The following RALGAPA2 variants were observed in gnomAD, a reference collection of about 807,000 sequenced individuals.
RALGAPA2 encodes Ral GTPase activating protein catalytic subunit alpha 2.
Under a neutral mutation model 230.4 loss-of-function variants are expected in RALGAPA2, and 139 were observed. The observed-to-expected ratio is 0.60, with a 90% CI of 0.53 to 0.69. The LOEUF (loss-of-function observed/expected upper bound fraction) is 0.69. Among genes scored for constraint, RALGAPA2 ranks in the 30% least tolerant of loss-of-function variants. The probability of loss-of-function intolerance (pLI) is 0.00; values close to 1 mark genes in which losing one functional copy is unlikely to be tolerated. For missense variants in RALGAPA2, 2,163 were observed against 2,276.0 expected, an observed-to-expected ratio of 0.95 and a Z score of 1.01; for synonymous variants, 847 against 837.8, an observed-to-expected ratio of 1.01 and a Z score of -0.19.
chr20:20,530,882 G>T (rs1330236548), intron 27 of RALGAPA2, among the ~76,000 whole-genome samples: 1 of 152,180 alleles, frequency 6.6e-6, no homozygotes, highest in Non-Finnish European at 1.5e-5. Context: ...GCCTGGCAGA[G>T]ACCAGGCACT....
In RALGAPA2 at chr20:20,504,299, C is replaced by T. The variant is rs901264291; in HGVS notation, c.5053-793G>A. On this transcript the variant is annotated intron_variant, in intron 34 of 39. Transcript: ENST00000202677. ...AAGTACAGTAACTGTTAGACTCAAACCTACTTGCCTTCTTAGTAAGGATGT... is the reference window on the plus strand; with the variant it reads ...AAGTACAGTAACTGTTAGACTCAAATCTACTTGCCTTCTTAGTAAGGATGT... Among the ~76,000 whole-genome samples the T allele has an allele frequency of 2.0e-5, 3 of 152,264 alleles. No homozygotes were observed. The East Asian group carries it at 5.8e-4, about 29-fold the overall frequency.
In RALGAPA2 at chr20:20,644,918, C is replaced by T. The variant is rs73607418; in HGVS notation, c.329-1369G>A. ...TGGTGGCTGGCAGAGCCAACAGATA[C>T]TAGACCTCCCAGGAGACCTAATGAT... On this transcript the variant is annotated intron_variant, in intron 4 of 39. Transcript: ENST00000202677. 1.1e-4 allele frequency among the ~76,000 whole-genome samples: 16 copies of T among 152,316 alleles called. No homozygotes were observed. The East Asian group carries it at 2.5e-3, about 24-fold the overall frequency.
rs1192727457 is a variant in RALGAPA2, at chr20:20,393,188, G to A, written c.*101C>T. 5 of 1,349,840 alleles carry A rather than the reference G, an allele frequency of 3.7e-6. No individual in the cohort carries two copies. The highest frequency in any genetic ancestry group is 3.9e-6 in the Non-Finnish European group (4 of 1,013,848). The allele number at this position is 1,349,840 out of a possible 1,614,324, so 83.6% of individuals were successfully genotyped here. On this transcript the variant is annotated 3_prime_UTR_variant, in exon 40 of 40. Coordinates refer to ENST00000202677, the MANE Select transcript of RALGAPA2 (RefSeq NM_020343.4). Reference sequence around the variant, plus strand: ...GTGGCTCGGGGCAGAGGCAGGAGAGGGTGTTCTGTCTCCTCCTCACTCAGG... The same window carrying A: ...GTGGCTCGGGGCAGAGGCAGGAGAGAGTGTTCTGTCTCCTCCTCACTCAGG...
intron 36 of RALGAPA2, among the ~76,000 whole-genome samples, chr20:20,487,307 G>C (rs6132305): frequency 0.037 from 5,576 of 152,236 alleles, 200 homozygotes; most frequent in East Asian, 0.15. Flanking sequence ...CATGTTATTT[G>C]TAGGCTTTTT....
At chr20:20,671,956 A>G (rs917376031) in intron 3 of RALGAPA2, among the ~76,000 whole-genome samples, 1 of 152,336 alleles carries the variant, frequency 6.6e-6, no homozygotes, top group Middle Eastern at 3.4e-3. Flanking sequence ...GGAAGAAGAA[A>G]GGAGGCAGAA....
intron 10 of RALGAPA2, among the ~76,000 whole-genome samples, chr20:20,628,208 A>G (rs2066550999): frequency 6.6e-6 from 1 of 152,188 alleles, no homozygotes. Context: ...TTTTGTAATG[A>G]AAGTCCCAGA....
At chr20:20,597,230 C>T (rs1223166173) in intron 16 of RALGAPA2, among the ~76,000 whole-genome samples, 1 of 152,070 alleles carries the variant, frequency 6.6e-6, no homozygotes, top group Non-Finnish European at 1.5e-5. Flanking sequence ...ATTAGCCAAA[C>T]AGGGGGTAAA....
Position 20,531,673 on chromosome 20 carries a change from CA to C in RALGAPA2, c.3582+13del, listed in dbSNP as rs1485881597. 1.9e-6 allele frequency: 3 copies of C among 1,573,594 alleles called. No individual in the cohort carries two copies. In the East Asian group the frequency reaches 6.8e-5, roughly 36 times the overall value. On this transcript the variant is annotated intron_variant, in intron 27 of 39. Transcript: ENST00000202677. ...ATGGCTTAATATCCAATCAGCACCA[CA>C]AACTGGTAATACCTTCAGAGTTACT...
intron 30 of RALGAPA2, 37 bp downstream of exon 30, chr20:20,524,369 C>T: frequency 1.2e-6 from 2 of 1,612,174 alleles, no homozygotes; most frequent in Non-Finnish European, 1.7e-6. Flanking sequence ...TCATATAAAC[C>T]CACACTCCAT....
chr20:20,448,529 T>C (rs1200525227), intron 37 of RALGAPA2, among the ~76,000 whole-genome samples: 1 of 152,196 alleles, frequency 6.6e-6, no homozygotes, highest in African/African-American at 2.4e-5. Flanking sequence ...ATTAAACAGA[T>C]AATGAAATTT....
At chr20:20,452,249 T>C (rs139658302) in intron 37 of RALGAPA2, among the ~76,000 whole-genome samples, 1,801 of 152,336 alleles carry the variant, frequency 0.012, 39 homozygotes, top group African/African-American at 0.042. Context: ...TCAGTAAGTA[T>C]AACAAATTTT....
chr20:20,569,754 A>G (rs1474474333), intron 23 of RALGAPA2, among the ~76,000 whole-genome samples: 3 of 152,150 alleles, frequency 2.0e-5, no homozygotes, highest in South Asian at 4.1e-4. Flanking sequence ...AGACAATTCT[A>G]AACTCATTTA....
intron 1 of RALGAPA2, among the ~76,000 whole-genome samples, chr20:20,694,224 G>A (rs1394413465): frequency 6.6e-6 from 1 of 151,136 alleles, no homozygotes; most frequent in Admixed American, 6.6e-5. Context: ...AAAACAAAAA[G>A]AACACAGGAG....
intron 38 of RALGAPA2, among the ~76,000 whole-genome samples, chr20:20,410,817 C>T (rs527547981): frequency 3.3e-5 from 5 of 152,284 alleles, no homozygotes; most frequent in South Asian, 2.1e-4. Context: ...TGTTCCTTGA[C>T]GCCTCACCAG....
chr20:20,395,374 G>GTCCACTCGCAGCTTTGC (rs2059690828), intron 39 of RALGAPA2, among the ~76,000 whole-genome samples: 1 of 152,208 alleles, frequency 6.6e-6, no homozygotes, highest in South Asian at 2.1e-4. Context: ...GATATGACAC[G>GTCCACTCGCAGCTTTGC]TCCACTCGCA....
At chr20:20,473,100 G>C in intron 36 of RALGAPA2, 144 bp from the exon 37 acceptor site, 1 of 798,574 alleles carries the variant, frequency 1.3e-6, no homozygotes, top group South Asian at 2.5e-5. Context: ...CAGGACACAG[G>C]TCTAGGGCTT....
At chr20:20,624,500 T>C (rs1398836404) in intron 10 of RALGAPA2, among the ~76,000 whole-genome samples, 1 of 152,140 alleles carries the variant, frequency 6.6e-6, no homozygotes, top group Non-Finnish European at 1.5e-5. Flanking sequence ...TTAATCTGTG[T>C]AAATACAGAA....
intron 37 of RALGAPA2, among the ~76,000 whole-genome samples, chr20:20,446,556 A>G (rs1027835624): frequency 2.6e-5 from 4 of 152,208 alleles, no homozygotes; most frequent in Admixed American, 6.5e-5. Context: ...AAATGACAGT[A>G]CCTTGGCTTT....
intron 37 of RALGAPA2, among the ~76,000 whole-genome samples, chr20:20,449,443 A>G (rs1427276557): frequency 1.3e-5 from 2 of 152,226 alleles, no homozygotes; most frequent in Non-Finnish European, 2.9e-5. Flanking sequence ...CATAAAATCC[A>G]TTATTGAGAA....
Sources: gnomAD v4.1 joint callset for allele counts (sites outside exome capture counted in the v4.1 genomes callset) on GRCh38, gnomAD v4.1.1 for gene constraint, MANE v1.5 for transcripts, NCBI Gene and HGNC (gene_info 2026-07-23, HGNC 2026-07-21) for gene names.